The following PINLYP variants were observed in gnomAD, a reference collection of about 807,000 sequenced individuals.
PINLYP encodes the protein phospholipase A2 inhibitor and LY6/PLAUR domain containing, also known as phospholipase A2 inhibitor and Ly6/PLAUR domain-containing protein.
Under a neutral mutation model 15.8 loss-of-function variants are expected in PINLYP, and 12 were observed. That is an observed-to-expected ratio of 0.76 (90% CI 0.49 to 1.23). The LOEUF is 1.23. PINLYP is among the 50% of genes most tolerant of loss of function. The pLI, the probability that PINLYP is intolerant of heterozygous loss-of-function variation, is 0.00. For missense variants in PINLYP, 278 were observed against 264.2 expected, an observed-to-expected ratio of 1.05 and a Z score of -0.36; for synonymous variants, 93 against 97.7, an observed-to-expected ratio of 0.95 and a Z score of 0.28.
intron 3 of PINLYP, among the ~76,000 whole-genome samples, chr19:43,580,878 G>T (rs932782529): frequency 2.6e-5 from 4 of 152,134 alleles, no homozygotes; most frequent in Admixed American, 1.3e-4. Context: ...GAGGCGGGCG[G>T]ATCACCTGAG....
chr19:43,578,021 A>G lies in PINLYP; in HGVS notation c.71-569A>G, dbSNP rs550454355. On this transcript the variant is annotated intron_variant, in intron 2 of 5. Coordinates refer to ENST00000599207, the Ensembl canonical transcript of PINLYP. ...AGCCCCCTCCTCCCCTGCACACAGG[A>G]GTCCAAGTAAGCCTCACTTTCCCCA... 9.6e-4 allele frequency among the ~76,000 whole-genome samples: 146 copies of G among 152,244 alleles called. 1 individual carries two copies. Among genetic ancestry groups the G allele is most frequent in the Non-Finnish European group, 1.2e-3 (80 of 67,992 alleles).
chr19:43,581,256 C>T lies in PINLYP; in HGVS notation c.232C>T (p.Gln78Ter). The change falls in exon 4 of 6, where the codon CAG (glutamine) becomes TAG (stop). Residue 78 changes from glutamine to a stop codon, truncating the protein, a stop_gained. Transcript: ENST00000599207. LOFTEE classifies it high-confidence loss of function. ...CACCTACAAGGGCTGCATCAGGTCC[C>T]AGGACTGCTACTCCGGCGTTATATC... 1 of 1,537,112 alleles carries T rather than the reference C, an allele frequency of 6.5e-7. No homozygotes were observed. The highest frequency in any genetic ancestry group is 8.7e-7 in the Non-Finnish European group (1 of 1,146,958).
At chr19:43,581,041 A>G in intron 3 of PINLYP, 171 bp from the exon 4 acceptor site, 1 of 815,416 alleles carries the variant, frequency 1.2e-6, no homozygotes, top group African/African-American at 1.7e-5. Context: ...ATTGCACTCC[A>G]GCCTGGGCAA....
At chr19:43,577,299 A>G (rs1483169124) in intron 2 of PINLYP, 38 bp downstream of exon 2, 2 of 1,518,220 alleles carry the variant, frequency 1.3e-6, no homozygotes, top group Non-Finnish European at 1.8e-6. Context: ...CTGGGACCTC[A>G]GGAAGAGAGA....
intron 3 of PINLYP, among the ~76,000 whole-genome samples, chr19:43,579,954 C>A (rs1361116956): frequency 1.3e-5 from 2 of 151,696 alleles, no homozygotes; most frequent in African/African-American, 4.8e-5. Context: ...AAGAGACCAC[C>A]CCAGACCTGA....
chr19:43,576,917 A>G, exon 1 of PINLYP: 1 of 414,122 alleles, frequency 2.4e-6, no homozygotes, highest in South Asian at 4.8e-5. Flanking sequence ...GGGCCGTGGG[A>G]AGGTGAGAAA....
At chr19:43,578,359 A>C (rs962970090) in intron 2 of PINLYP, among the ~76,000 whole-genome samples, 1 of 152,174 alleles carries the variant, frequency 6.6e-6, no homozygotes, top group East Asian at 1.9e-4. Flanking sequence ...TTAGGCAAAC[A>C]GGCTTCATGG....
At chr19:43,580,613 G>T in intron 3 of PINLYP, 1 of 985,174 alleles carries the variant, frequency 1.0e-6, no homozygotes, top group Non-Finnish European at 1.2e-6. Context: ...CAGGGAGAGA[G>T]GGGTGGCCGT....
At chr19:43,581,777 G>A in intron 5 of PINLYP, 74 bp downstream of exon 5, 2 of 1,533,462 alleles carry the variant, frequency 1.3e-6, no homozygotes, top group Non-Finnish European at 8.7e-7. Flanking sequence ...TGGGAGGAGA[G>A]GGTTCCAGAG....
At chr19:43,581,332 A>C (rs1459408829) in exon 4 of PINLYP, 13 of 1,536,788 alleles carry the variant, frequency 8.5e-6, no homozygotes, top group Admixed American at 7.8e-5. Flanking sequence ...TTCTGCTGCC[A>C]GAGCGACGGC....
chr19:43,579,761 G>A (rs1046730844), intron 3 of PINLYP, among the ~76,000 whole-genome samples: 1 of 150,456 alleles, frequency 6.6e-6, no homozygotes, highest in African/African-American at 2.4e-5. Flanking sequence ...AAATAGTTGC[G>A]CATGGTGGCA....
chr19:43,578,330 A>G lies in PINLYP; in HGVS notation c.71-260A>G, dbSNP rs558480241. ...GCTTTCTCAGCGGACCCTGGCATCC[A>G]AAATCCCCAGCCATGTAATTAGGCA... On this transcript the variant is annotated intron_variant, in intron 2 of 5. Transcript: ENST00000599207. Among the ~76,000 whole-genome samples the G allele has an allele frequency of 1.1e-3, 161 of 152,284 alleles. 1 individual carries two copies. Among genetic ancestry groups the G allele is most frequent in the African/African-American group, 3.4e-3 (143 of 41,564 alleles).
At chr19:43,580,127 G>C (rs1286298663) in intron 3 of PINLYP, among the ~76,000 whole-genome samples, 1 of 152,096 alleles carries the variant, frequency 6.6e-6, no homozygotes, top group Admixed American at 6.6e-5. Context: ...GTCGGGAGAG[G>C]CTGTGAAAGG....
In PINLYP at chr19:43,581,455, G is replaced by A; in HGVS notation, c.340+91G>A. 5.3e-6 allele frequency: 8 copies of A among 1,513,132 alleles called. No individual in the cohort carries two copies. The South Asian group carries it at 8.7e-5, about 16-fold the overall frequency. The allele number at this position is 1,513,132 out of a possible 1,614,324, so 93.7% of individuals were successfully genotyped here. On this transcript the variant is annotated intron_variant, in intron 4 of 5. Transcript: ENST00000599207. ...TGGCTCTGAGCCTGTTTCCTTACCTGTAAAATGCAGTGTCTATTAGCAACC... is the reference window on the plus strand; with the variant it reads ...TGGCTCTGAGCCTGTTTCCTTACCTATAAAATGCAGTGTCTATTAGCAACC...
intron 3 of PINLYP, chr19:43,579,040 T>G: frequency 1.1e-5 from 3 of 276,612 alleles, no homozygotes; most frequent in Non-Finnish European, 2.1e-5. Flanking sequence ...AGGGGAAGAA[T>G]CTAACTGGCA....
At chr19:43,580,791 T>A in intron 3 of PINLYP, 1 of 764,226 alleles carries the variant, frequency 1.3e-6, no homozygotes, top group Non-Finnish European at 1.6e-6. Flanking sequence ...CGCATGGCTC[T>A]AGGGGGCTTG....
chr19:43,575,510 C>T (rs1220460142), upstream of PINLYP: 2 of 1,590,438 alleles, frequency 1.3e-6, no homozygotes, highest in Non-Finnish European at 1.7e-6. Flanking sequence ...AGTATGGGGT[C>T]CGAGGGGCAG....
At chr19:43,577,728 C>G (rs955029245) in intron 2 of PINLYP, among the ~76,000 whole-genome samples, 1 of 149,060 alleles carries the variant, frequency 6.7e-6, no homozygotes, top group African/African-American at 2.5e-5. Context: ...CATGGTGAAA[C>G]CCCGTCTTTA....
chr19:43,577,172 G>A (rs774163924), exon 2 of PINLYP: 20 of 1,536,050 alleles, frequency 1.3e-5, no homozygotes, highest in Non-Finnish European at 1.7e-5. Flanking sequence ...TGGGGACCAG[G>A]TACTGCTGAT....
Sources: gnomAD v4.1 joint callset for allele counts (sites outside exome capture counted in the v4.1 genomes callset) on GRCh38, gnomAD v4.1.1 for gene constraint, MANE v1.5 for transcripts, NCBI Gene and HGNC (gene_info 2026-07-23, HGNC 2026-07-21) for gene names.